ENOSF1: variants seen among roughly 807,000 people sequenced by gnomAD.
ENOSF1 encodes mitochondrial enolase superfamily member 1.
Under a neutral mutation model 68.2 loss-of-function variants are expected in ENOSF1, and 73 were observed. The ratio of observed to expected loss-of-function variants is 1.07; its 90% CI spans 0.89 to 1.30. ENOSF1 has a LOEUF of 1.30. Ranked by LOEUF, ENOSF1 falls within the 50% of genes most tolerant of loss-of-function variation. ENOSF1 has a pLI of 0.00. For synonymous variants in ENOSF1, 223 were observed against 210.4 expected (o/e 1.06, Z -0.52); for missense variants, 589 against 554.5 (o/e 1.06, Z -0.62).
At chr18:667,683 G>A (rs936024270), downstream of ENOSF1, 5 of 152,150 alleles carry the variant, frequency 3.3e-5, no homozygotes, top group Admixed American at 1.3e-4. Context: ...CACAAAAATG[G>A]CAAGTTTAAT....
chr18:692,631 A>G lies in ENOSF1; in HGVS notation c.423+1251T>C, dbSNP rs952913270. ...AAAAAGAAAGAAAGAAAAAAAGAAAAAAGAAAAGAGTACTGGCATTGAAAG... is the reference window on the plus strand; with the variant it reads ...AAAAAGAAAGAAAGAAAAAAAGAAAGAAGAAAAGAGTACTGGCATTGAAAG... On this transcript the variant is annotated intron_variant, in intron 5 of 15. Transcript: ENST00000647584. 5.9e-5 allele frequency: 21 copies of G among 355,070 alleles called. No individual in the cohort carries two copies. In the Admixed American group the frequency reaches 6.1e-4, roughly 10 times the overall value. The allele number at this position is 355,070 out of a possible 1,614,324, so 22.0% of individuals were successfully genotyped here.
At chr18:707,936 T>C (rs1444596569) in intron 1 of ENOSF1, among the ~76,000 whole-genome samples, 5 of 151,974 alleles carry the variant, frequency 3.3e-5, no homozygotes, top group Non-Finnish European at 5.9e-5. Context: ...CTTGGCTCAC[T>C]GCAACCTCTG....
Position 673,224 on chromosome 18 carries a change from C to A in ENOSF1, c.*1081G>T. 2.6e-6 allele frequency: 1 copy of A among 391,398 alleles called. No homozygotes were observed. Among genetic ancestry groups the A allele is most frequent in the Non-Finnish European group, 4.5e-6 (1 of 220,134 alleles). 24.2% of individuals were successfully genotyped at this position (391,398 alleles called of 1,614,324 possible). On this transcript the variant is annotated 3_prime_UTR_variant, in exon 16 of 16. Transcript: ENST00000647584. ...AACTCACTGAGGGTATCTGACAATG[C>A]TGAGGTTATGAACAAAGTGAGGAGA...
intron 11 of ENOSF1, among the ~76,000 whole-genome samples, chr18:681,935 G>A (rs1317994844): frequency 6.6e-6 from 1 of 152,184 alleles, no homozygotes; most frequent in African/African-American, 2.4e-5. Flanking sequence ...ACTGGTCCCT[G>A]AGTCCCCGAC....
intron 8 of ENOSF1, among the ~76,000 whole-genome samples, chr18:690,222 C>G (rs1323896140): frequency 6.6e-6 from 1 of 152,104 alleles, no homozygotes; most frequent in Non-Finnish European, 1.5e-5. Flanking sequence ...TTGTGGGAAC[C>G]TCTAATCTGA....
At chr18:689,484 G>T (rs2076940091) in intron 8 of ENOSF1, among the ~76,000 whole-genome samples, 1 of 152,124 alleles carries the variant, frequency 6.6e-6, no homozygotes, top group South Asian at 2.1e-4. Context: ...GTTTCACCAT[G>T]TTGGCCAGGC....
intron 1 of ENOSF1, 145 bp from the exon 2 acceptor site, chr18:706,723 A>G (rs2078971265): frequency 1.8e-6 from 1 of 570,524 alleles, no homozygotes; most frequent in Non-Finnish European, 3.1e-6. Flanking sequence ...CTATACCCCA[A>G]AGAAAACAAA....
Position 670,676 on chromosome 18 carries a change from T to C in ENOSF1, c.*3629A>G. 1.9e-6 allele frequency: 3 copies of C among 1,613,094 alleles called. No homozygotes were observed. Among genetic ancestry groups the C allele is most frequent in the South Asian group, 1.1e-5 (1 of 90,968 alleles). ...AAACCACCATCCCTCCTTATCTTCC[T>C]CTGCTGGTTCCTCAGATCTTCCTCT... is the stretch of plus-strand genomic sequence containing the variant. On this transcript the variant is annotated 3_prime_UTR_variant, in exon 16 of 16. Coordinates refer to ENST00000647584, the MANE Select transcript of ENOSF1 (RefSeq NM_017512.7).
At position 678,721 on chromosome 18, in the gene ENOSF1, C is replaced by T; in HGVS notation, c.893G>A (p.Gly298Glu). The T allele has an allele frequency of 6.2e-7, 1 of 1,614,200 alleles. No homozygotes were observed. The highest frequency in any genetic ancestry group is 8.5e-7 in the Non-Finnish European group (1 of 1,180,038). ...ATISKALVPL[G>E]IGIATGEQCH... is the part of the protein sequence containing the mutation. ...CTGTTCTCCTGTGGCAATGCCAATT[C>T]CTAATGGGACCAGTGCCTATAAAAT... is the stretch of plus-strand genomic sequence containing the variant. Residue 298 changes from glycine (G) to glutamate (E), a missense_variant, in exon 12 of 16, where the codon GGA becomes GAA. Gly to Glu is a moderately conservative substitution (Grantham distance 98). Transcript: ENST00000647584.
intron 8 of ENOSF1, 71 bp from the exon 9 acceptor site, chr18:688,679 T>C: frequency 7.3e-7 from 1 of 1,374,848 alleles, no homozygotes; most frequent in East Asian, 2.3e-5. Context: ...CAGTCATTGC[T>C]GATCTGTTTC....
At chr18:676,229 G>A (rs1445956460) in intron 14 of ENOSF1, among the ~76,000 whole-genome samples, 1 of 152,164 alleles carries the variant, frequency 6.6e-6, no homozygotes, top group Non-Finnish European at 1.5e-5. Flanking sequence ...GCCTGTTATT[G>A]AACAGCTGTG....
At chr18:688,532 C>G (rs1484408905) in intron 9 of ENOSF1, 42 bp downstream of exon 9, 2 of 1,613,686 alleles carry the variant, frequency 1.2e-6, no homozygotes, top group Admixed American at 1.7e-5. Flanking sequence ...CTGAGTCTCT[C>G]CTGCCGCCAA....
At position 670,467 on chromosome 18, in the gene ENOSF1, T is replaced by G; in HGVS notation, c.*3838A>C. The G allele has an allele frequency of 1.1e-5, 6 of 540,362 alleles. No individual in the cohort carries two copies. Among genetic ancestry groups the G allele is most frequent in the Non-Finnish European group, 2.0e-5 (6 of 303,290 alleles). 33.5% of individuals were successfully genotyped at this position (540,362 alleles called of 1,614,324 possible). A position where few individuals can be genotyped will look rare whatever the true frequency, so the allele number is the denominator to read the frequency against. On this transcript the variant is annotated 3_prime_UTR_variant, in exon 16 of 16. Coordinates refer to ENST00000647584, the MANE Select transcript of ENOSF1 (RefSeq NM_017512.7). ...TCAGCTCTGATGGAAGAGCATTGCT[T>G]CAGCCGTAAATGGACACCTGCAGAA...
At chr18:711,901 A>G (rs2079593222) in intron 1 of ENOSF1, among the ~76,000 whole-genome samples, 1 of 152,156 alleles carries the variant, frequency 6.6e-6, no homozygotes, top group Non-Finnish European at 1.5e-5. Context: ...AGAGACCCAG[A>G]GAGGTCTGGA....
chr18:680,602 C>A (rs986502273), intron 11 of ENOSF1, among the ~76,000 whole-genome samples: 1 of 152,070 alleles, frequency 6.6e-6, no homozygotes, highest in African/African-American at 2.4e-5. Flanking sequence ...CTCCCACACA[C>A]CCTCTGTCTC....
intron 7 of ENOSF1, 179 bp downstream of exon 7, chr18:690,889 A>C (rs1041444040): frequency 4.0e-6 from 5 of 1,239,844 alleles, no homozygotes; most frequent in Admixed American, 5.3e-5. Context: ...GCTGAAGCAA[A>C]CTCTGCAGTC....
intron 2 of ENOSF1, among the ~76,000 whole-genome samples, chr18:704,345 C>G (rs2078683125): frequency 6.7e-6 from 1 of 148,260 alleles, no homozygotes; most frequent in African/African-American, 2.5e-5. Flanking sequence ...ATAAGAATTG[C>G]TTGAACCCGG....
intron 2 of ENOSF1, among the ~76,000 whole-genome samples, chr18:705,521 G>C (rs1300707912): frequency 6.6e-6 from 1 of 152,024 alleles, no homozygotes; most frequent in Non-Finnish European, 1.5e-5. Context: ...ATCACATCCA[G>C]CTCTGAAAAA....
At chr18:700,879 A>G (rs1407823559) in intron 2 of ENOSF1, among the ~76,000 whole-genome samples, 8 of 139,296 alleles carry the variant, frequency 5.7e-5, no homozygotes, top group African/African-American at 2.2e-4. Context: ...GACAAGAGCG[A>G]AACTCTGCCT....
Sources: gnomAD v4.1 joint callset for allele counts (sites outside exome capture counted in the v4.1 genomes callset) on GRCh38, gnomAD v4.1.1 for gene constraint, MANE v1.5 for transcripts, NCBI Gene and HGNC (gene_info 2026-07-23, HGNC 2026-07-21) for gene names.